Variants in GPATCH2 observed in about 807,000 individuals in gnomAD.
GPATCH2 encodes the protein G patch domain-containing protein 2.
Under a neutral mutation model 58.0 loss-of-function variants are expected in GPATCH2, and 51 were observed. The ratio of observed to expected loss-of-function variants is 0.88; its 90% CI spans 0.70 to 1.11. The LOEUF (loss-of-function observed/expected upper bound fraction) is 1.11, where lower values mean the gene tolerates loss of function less well. Among genes scored for constraint, GPATCH2 ranks in the 50% most tolerant of loss-of-function variants. GPATCH2 has a pLI of 0.00. For synonymous variants in GPATCH2, 222 were observed against 218.5 expected, an observed-to-expected ratio of 1.02 and a Z score of -0.14; for missense variants, 625 against 652.2, an observed-to-expected ratio of 0.96 and a Z score of 0.45.
At chr1:217,473,249 CACTT>C (rs970225637) in intron 8 of GPATCH2, among the ~76,000 whole-genome samples, 2 of 151,272 alleles carry the variant, frequency 1.3e-5, no homozygotes, top group East Asian at 2.0e-4. Flanking sequence ...GTCTAAAAAA[CACTT>C]AGGTGCATTG....
chr1:217,500,391 T>G (rs972473102), intron 6 of GPATCH2, among the ~76,000 whole-genome samples: 1 of 152,028 alleles, frequency 6.6e-6, no homozygotes, highest in African/African-American at 2.4e-5. Flanking sequence ...TGGCTCTCAC[T>G]GGGTGTTCAC....
intron 5 of GPATCH2, among the ~76,000 whole-genome samples, chr1:217,548,146 C>G (rs542230367): frequency 6.6e-5 from 10 of 151,982 alleles, no homozygotes; most frequent in Non-Finnish European, 1.2e-4. Flanking sequence ...CGGACTAATA[C>G]GCTAATATAG....
intron 5 of GPATCH2, among the ~76,000 whole-genome samples, chr1:217,571,703 C>CAAAAAAAAAAAAAA (rs11463536): frequency 1.2e-3 from 85 of 73,798 alleles, no homozygotes; most frequent in East Asian, 5.6e-3. Flanking sequence ...AAAACGAAAC[C>CAAAAAAAAAAAAAA]AAAAAAAAAA....
chr1:217,496,373 G>A (rs942941331), intron 7 of GPATCH2, among the ~76,000 whole-genome samples: 2 of 152,116 alleles, frequency 1.3e-5, no homozygotes, highest in Admixed American at 1.3e-4. Context: ...AGGTGACACG[G>A]CCTTGTTTCA....
chr1:217,624,005 C>T (rs1028346942), intron 1 of GPATCH2, among the ~76,000 whole-genome samples: 14 of 152,250 alleles, frequency 9.2e-5, no homozygotes, highest in African/African-American at 3.1e-4. Flanking sequence ...TATGAATCAA[C>T]TACATATTAC....
At chr1:217,478,858 TAAAG>T (rs1183667464) in intron 8 of GPATCH2, among the ~76,000 whole-genome samples, 4 of 151,438 alleles carry the variant, frequency 2.6e-5, no homozygotes, top group Non-Finnish European at 4.4e-5. Context: ...AACAATAAAA[TAAAG>T]AAACCTAAAA....
At chr1:217,617,967 A>G (rs1452168360) in intron 2 of GPATCH2, among the ~76,000 whole-genome samples, 1 of 152,098 alleles carries the variant, frequency 6.6e-6, no homozygotes, top group Admixed American at 6.6e-5. Flanking sequence ...GGAGAACTAA[A>G]AAAAAGGGGG....
chr1:217,548,657 T>C (rs1442789432), intron 5 of GPATCH2, among the ~76,000 whole-genome samples: 1 of 152,150 alleles, frequency 6.6e-6, no homozygotes, highest in African/African-American at 2.4e-5. Flanking sequence ...ATAATCCCCA[T>C]GTGTCATGGG....
chr1:217,591,847 T>G (rs893644462), intron 5 of GPATCH2, among the ~76,000 whole-genome samples: 1 of 152,058 alleles, frequency 6.6e-6, no homozygotes, highest in African/African-American at 2.4e-5. Context: ...ACTTTTATAT[T>G]TAATGTGATG....
At chr1:217,585,859 A>G (rs2102754916) in intron 5 of GPATCH2, among the ~76,000 whole-genome samples, 1 of 152,260 alleles carries the variant, frequency 6.6e-6, no homozygotes, top group South Asian at 2.1e-4. Context: ...TATTATAACT[A>G]GGCTATATGG....
At position 217,454,588 on chromosome 1, in the gene GPATCH2, C is replaced by CAAAA. The variant is rs34571192; in HGVS notation, c.1278-5255_1278-5252dup. ...TGGGCGACAGAGCGAGACTCTGTCT[C>CAAAA]AAAAAAAAAAAAAAAAAAAAAACCT... On this transcript the variant is annotated intron_variant, in intron 8 of 9. Transcript: ENST00000366935. 3.0e-3 allele frequency among the ~76,000 whole-genome samples: 179 copies of CAAAA among 59,574 alleles called. 3 individuals are homozygous for CAAAA. The highest frequency in any genetic ancestry group is 4.1e-3 in the Non-Finnish European group (150 of 36,500). 39.1% of individuals were successfully genotyped at this position (59,574 alleles called of 152,430 possible).
Position 217,485,531 on chromosome 1 carries a change from C to T in GPATCH2, c.1277+6149G>A, listed in dbSNP as rs185583721. Among the ~76,000 whole-genome samples, 19 of 149,472 alleles carry T rather than the reference C, an allele frequency of 1.3e-4. No homozygotes were observed. In the East Asian group the frequency reaches 3.8e-3, roughly 30 times the overall value. On this transcript the variant is annotated intron_variant, in intron 8 of 9. Transcript: ENST00000366935. Reference sequence around the variant, plus strand: ...TTTGTTGAAAAGACTGTCAAACTTTCTCCACTGACTTTGTAAATTGGTGAA... The same window carrying T: ...TTTGTTGAAAAGACTGTCAAACTTTTTCCACTGACTTTGTAAATTGGTGAA...
intron 6 of GPATCH2, among the ~76,000 whole-genome samples, chr1:217,511,850 T>C (rs190663170): frequency 6.6e-6 from 1 of 152,088 alleles, no homozygotes; most frequent in South Asian, 2.1e-4. Context: ...TTTGTGTCTA[T>C]ACAGCGTTGC....
chr1:217,497,196 G>C (rs1662054891), intron 7 of GPATCH2, among the ~76,000 whole-genome samples: 2 of 152,016 alleles, frequency 1.3e-5, no homozygotes, highest in South Asian at 4.1e-4. Flanking sequence ...ACTAAAAGCG[G>C]AATATTATTG....
chr1:217,468,272 A>G (rs1246287796), intron 8 of GPATCH2, among the ~76,000 whole-genome samples: 1 of 152,216 alleles, frequency 6.6e-6, no homozygotes. Context: ...GGAAAGAGAT[A>G]TAAGTGAGGG....
intron 5 of GPATCH2, among the ~76,000 whole-genome samples, chr1:217,578,431 T>G (rs1666910537): frequency 6.6e-6 from 1 of 152,084 alleles, no homozygotes; most frequent in South Asian, 2.1e-4. Flanking sequence ...TTTAAAATTT[T>G]TTGTAGAGAC....
intron 8 of GPATCH2, among the ~76,000 whole-genome samples, chr1:217,456,022 C>A (rs1048853412): frequency 6.6e-6 from 1 of 152,084 alleles, no homozygotes; most frequent in Non-Finnish European, 1.5e-5. Context: ...ACTCCGTCCC[C>A]TTCCCAGCTC....
intron 5 of GPATCH2, among the ~76,000 whole-genome samples, chr1:217,564,903 C>A (rs1369344720): frequency 2.6e-5 from 4 of 152,120 alleles, no homozygotes; most frequent in Admixed American, 2.6e-4. Flanking sequence ...TGACTGCGAT[C>A]TCATTTATTT....
At chr1:217,566,924 T>A (rs918299577) in intron 5 of GPATCH2, among the ~76,000 whole-genome samples, 1 of 152,194 alleles carries the variant, frequency 6.6e-6, no homozygotes, top group African/African-American at 2.4e-5. Flanking sequence ...AACTTGTGGT[T>A]GGAAAATTAG....
Sources: gnomAD v4.1 joint callset for allele counts (sites outside exome capture counted in the v4.1 genomes callset) on GRCh38, gnomAD v4.1.1 for gene constraint, MANE v1.5 for transcripts, NCBI Gene and HGNC (gene_info 2026-07-23, HGNC 2026-07-21) for gene names.